The following GARS1 variants were observed in gnomAD, a reference collection of about 807,000 sequenced individuals.
The protein encoded by GARS1 is glycyl-tRNA synthetase 1, also known as glycine--tRNA ligase.
In GARS1, 46 loss-of-function variants were observed where a neutral mutation model predicts 86.4. The observed-to-expected ratio is 0.53, with a 90% CI of 0.42 to 0.68. The LOEUF is 0.68. Among genes scored for constraint, GARS1 ranks in the 30% least tolerant of loss-of-function variants. The probability of loss-of-function intolerance (pLI) is 0.00; values close to 1 mark genes in which losing one functional copy is unlikely to be tolerated. For synonymous variants in GARS1, 342 were observed against 329.8 expected (o/e 1.04, Z -0.40); for missense variants, 797 against 915.6 (o/e 0.87, Z 1.67).
rs543472101 is a variant in GARS1, at chr7:30,596,004, A to C, written c.222+861A>C. The C allele has an allele frequency of 1.0e-3, 413 of 414,460 alleles. 2 individuals are homozygous for C. Among genetic ancestry groups the C allele is most frequent in the South Asian group, 2.9e-3 (160 of 55,344 alleles). 25.7% of individuals were successfully genotyped at this position (414,460 alleles called of 1,614,324 possible). On this transcript the variant is annotated intron_variant, in intron 1 of 16. Transcript: ENST00000389266. ...GACCTCCTTTTCCTAGGGCACTGCC[A>C]TAGAGTTTAGAATTTAGAGATATCA...
chr7:30,631,347 T>G (rs1351421710), intron 14 of GARS1, 101 bp from the exon 15 acceptor site: 6 of 898,934 alleles, frequency 6.7e-6, no homozygotes, highest in African/African-American at 1.7e-5. Flanking sequence ...GACGTTATGC[T>G]TGAACACTTG....
chr7:30,603,220 A>G, intron 5 of GARS1, 98 bp downstream of exon 5: 1 of 1,014,392 alleles, frequency 9.9e-7, no homozygotes. Flanking sequence ...GAGGCATAAC[A>G]TTCAAAGAGC....
At chr7:30,601,289 A>G (rs914260908) in intron 4 of GARS1, 89 bp downstream of exon 4, 2 of 1,189,036 alleles carry the variant, frequency 1.7e-6, no homozygotes, top group Non-Finnish European at 1.2e-6. Flanking sequence ...TAACTTCCTG[A>G]TTATAAAGAA....
At chr7:30,628,699 A>G (rs1783179108) in intron 14 of GARS1, 30 bp downstream of exon 14, 3 of 1,462,658 alleles carry the variant, frequency 2.1e-6, no homozygotes, top group Non-Finnish European at 2.9e-6. Context: ...GTGCTGTTAT[A>G]GTGTCAGAAA....
At chr7:30,603,716 C>CT (rs909038672) in intron 6 of GARS1, 144 bp downstream of exon 6, 4 of 676,556 alleles carry the variant, frequency 5.9e-6, no homozygotes, top group South Asian at 3.2e-5. Flanking sequence ...TATAGCGTCT[C>CT]TTTTTTTGCA....
rs373219821 is a variant in GARS1, at chr7:30,599,344, C to T, written c.324+447C>T. 4.7e-4 allele frequency among the ~76,000 whole-genome samples: 72 copies of T among 152,342 alleles called. 3 individuals carry two copies. Among genetic ancestry groups the T allele is most frequent in the East Asian group, 2.1e-3 (11 of 5,190 alleles). The stretch of plus-strand genomic sequence containing the variant: ...AAAGTAACCATTTTGCTATAGCAAT[C>T]CACTGACAATTCAAATATTGCTTTA... On this transcript the variant is annotated intron_variant, in intron 2 of 16. Transcript: ENST00000389266.
intron 6 of GARS1, among the ~76,000 whole-genome samples, chr7:30,606,349 A>T (rs1161781647): frequency 6.7e-6 from 1 of 150,190 alleles, no homozygotes; most frequent in Non-Finnish European, 1.5e-5. Context: ...ATATGAAAAA[A>T]CTTTCTATCA....
In GARS1 at chr7:30,596,440, T is replaced by TA. The variant is rs530112377; in HGVS notation, c.222+1303dup. Among the ~76,000 whole-genome samples, 248 of 151,942 alleles carry TA rather than the reference T, an allele frequency of 1.6e-3. 1 individual carries two copies. Among genetic ancestry groups the TA allele is most frequent in the African/African-American group, 5.8e-3 (240 of 41,468 alleles). On this transcript the variant is annotated intron_variant, in intron 1 of 16. Transcript: ENST00000389266. ...TTTGTCTTTTCTTAACTTGCCATTTTAAAAAATATCCTTCCCTTTAGAAGG... is the reference window on the plus strand; with the variant it reads ...TTTGTCTTTTCTTAACTTGCCATTTTAAAAAAATATCCTTCCCTTTAGAAGG...
chr7:30,631,865 A>G, intron 15 of GARS1: 1 of 384,086 alleles, frequency 2.6e-6, no homozygotes, highest in South Asian at 2.3e-5. Context: ...CTACAGCCAC[A>G]GAATCCACAG....
At chr7:30,624,234 G>A (rs531648579) in intron 12 of GARS1, among the ~76,000 whole-genome samples, 2 of 152,150 alleles carry the variant, frequency 1.3e-5, no homozygotes, top group East Asian at 3.9e-4. Context: ...TAGACAATCC[G>A]GGGCTCTGAG....
chr7:30,622,476 T>C lies in GARS1; in HGVS notation c.1613+14T>C. 3 of 1,613,900 alleles carry C rather than the reference T, an allele frequency of 1.9e-6. No individual in the cohort carries two copies. The highest frequency in any genetic ancestry group is 2.5e-6 in the Non-Finnish European group (3 of 1,179,808). ...GAATGAGAAAGGGTAAGATATCAGA[T>C]GTTTACTCTTCCATGGGCTCCAGTC... On this transcript the variant is annotated intron_variant, in intron 12 of 16. Transcript: ENST00000389266.
chr7:30,633,055 CA>C (rs1562784562), intron 16 of GARS1, among the ~76,000 whole-genome samples: 1 of 152,202 alleles, frequency 6.6e-6, no homozygotes, highest in East Asian at 1.9e-4. Flanking sequence ...AAAACAGAAG[CA>C]AAAGACTGCT....
intron 8 of GARS1, among the ~76,000 whole-genome samples, chr7:30,613,989 C>G (rs1269631121): frequency 1.3e-5 from 2 of 152,150 alleles, no homozygotes; most frequent in Non-Finnish European, 1.5e-5. Flanking sequence ...TATCTGTCTT[C>G]CTAGCCTGTG....
chr7:30,601,024 A>C (rs961598440), intron 3 of GARS1, 35 bp from the exon 4 acceptor site: 6 of 1,608,114 alleles, frequency 3.7e-6, no homozygotes, highest in East Asian at 2.2e-5. Flanking sequence ...CAGAGTAACA[A>C]GGTAAAGTAT....
In GARS1 at chr7:30,617,279, G is replaced by A. The variant is rs868796615; in HGVS notation, c.1359+1G>A. On this transcript the variant is annotated splice_donor_variant, in intron 10 of 16. Coordinates refer to ENST00000389266, the MANE Select transcript of GARS1 (RefSeq NM_002047.4). LOFTEE classifies it high-confidence loss of function. ...GGATGCAGAATCCAAAACATCCTAC[G>A]TAAGTGGAGTGCTGTTTACCATGTG... 7.4e-6 allele frequency: 12 copies of A among 1,613,560 alleles called. No homozygotes were observed. Among genetic ancestry groups the A allele is most frequent in the Non-Finnish European group, 9.3e-6 (11 of 1,179,718 alleles).
intron 10 of GARS1, among the ~76,000 whole-genome samples, 178 bp from the exon 11 acceptor site, chr7:30,621,215 T>C (rs534892695): frequency 6.6e-6 from 1 of 152,298 alleles, no homozygotes; most frequent in East Asian, 1.9e-4. Context: ...TATAGGCTTA[T>C]TAGCTGCCTG....
intron 14 of GARS1, among the ~76,000 whole-genome samples, chr7:30,629,860 GA>G: frequency 6.6e-6 from 1 of 152,208 alleles, no homozygotes. Flanking sequence ...GTTCTTTTTA[GA>G]TGTCAAGTCT....
chr7:30,595,035 G>T lies in GARS1; in HGVS notation c.114G>T (p.Ala38=), dbSNP rs764791266. The change falls in exon 1 of 17, where the codon GCG becomes GCT. Residue 38 remains alanine, a synonymous_variant. Transcript: ENST00000389266. ...PSLLLRRSLS[A]ASCPPISLPA... ...TCCTGCTCCGCCGGTCCCTCAGCGCGGCCTCCTGCCCCCCGATCTCCTTGC... is the reference window on the plus strand; with the variant it reads ...TCCTGCTCCGCCGGTCCCTCAGCGCTGCCTCCTGCCCCCCGATCTCCTTGC... 1.9e-6 allele frequency: 3 copies of T among 1,569,320 alleles called. No individual in the cohort carries two copies. Among genetic ancestry groups the T allele is most frequent in the Non-Finnish European group, 2.6e-6 (3 of 1,164,648 alleles).
rs771860802 is a variant in GARS1 at position 30,603,140 on chromosome 7, C to T, written c.658+18C>T. On this transcript the variant is annotated intron_variant, in intron 5 of 16. Coordinates refer to ENST00000389266, the MANE Select transcript of GARS1 (RefSeq NM_002047.4). Reference sequence around the variant, plus strand: ...ATTAAAAGGTGAGGTTCTTCATCTCCTTCAGGTAGGATTGATCAAAATAAA... The same window carrying T: ...ATTAAAAGGTGAGGTTCTTCATCTCTTTCAGGTAGGATTGATCAAAATAAA... 1 of 1,579,326 alleles carries T rather than the reference C, an allele frequency of 6.3e-7. No homozygotes were observed. The highest frequency in any genetic ancestry group is 1.1e-5 in the South Asian group (1 of 90,356).
Sources: gnomAD v4.1 joint callset for allele counts (sites outside exome capture counted in the v4.1 genomes callset) on GRCh38, gnomAD v4.1.1 for gene constraint, MANE v1.5 for transcripts, NCBI Gene and HGNC (gene_info 2026-07-23, HGNC 2026-07-21) for gene names.